Variants in NAXD observed in about 807,000 individuals in gnomAD.
NAXD encodes ATP-dependent (S)-NAD(P)H-hydrate dehydratase.
In NAXD, 22 loss-of-function variants were observed where a neutral mutation model predicts 35.8. That is an observed-to-expected ratio of 0.62 (90% CI 0.44 to 0.88). The LOEUF is 0.88. NAXD is among the 40% of genes least tolerant of loss of function. The pLI is 0.00. For missense variants in NAXD, 428 were observed against 437.7 expected (o/e 0.98, Z 0.20); for synonymous variants, 189 against 177.6 (o/e 1.06, Z -0.51).
intron 4 of NAXD, 81 bp downstream of exon 4, chr13:110,625,359 G>A (rs1290785494): frequency 1.8e-5 from 16 of 908,514 alleles, no homozygotes; most frequent in Non-Finnish European, 2.5e-5. Flanking sequence ...CACCGAAAGC[G>A]TCCTGATGGA....
intron 5 of NAXD, 96 bp downstream of exon 5, chr13:110,627,643 C>A: frequency 1.2e-6 from 1 of 808,060 alleles, no homozygotes; most frequent in Non-Finnish European, 2.1e-6. Context: ...TGTAGTGTTC[C>A]GTGTGCCTCT....
At chr13:110,619,524 A>G (rs1341226935) in intron 1 of NAXD, among the ~76,000 whole-genome samples, 1 of 152,198 alleles carries the variant, frequency 6.6e-6, no homozygotes, top group East Asian at 1.9e-4. Flanking sequence ...ATAAGTCACA[A>G]TTTATATTTT....
chr13:110,637,702 G>A, intron 9 of NAXD: 1 of 455,334 alleles, frequency 2.2e-6, no homozygotes, highest in South Asian at 1.6e-5. Context: ...AGAACTTTAT[G>A]AATGCAAGCA....
At position 110,615,828 on chromosome 13, in the gene NAXD, G is replaced by C. The variant is rs529607773; in HGVS notation, c.46+181G>C. 2.3e-6 allele frequency: 3 copies of C among 1,278,550 alleles called. No homozygotes were observed. In the South Asian group the frequency reaches 7.2e-5, roughly 31 times the overall value. 79.2% of individuals were successfully genotyped at this position (1,278,550 alleles called of 1,614,324 possible). A position where few individuals can be genotyped will look rare whatever the true frequency, so the allele number is the denominator to read the frequency against. ...CTCGCGGGGGGGAAGCGCCGCCGAG[G>C]GGCAGCCCGCGCGCGGGGCCGGGGC... On this transcript the variant is annotated intron_variant, in intron 1 of 9. Transcript: ENST00000680254.
chr13:110,624,326 T>C, intron 3 of NAXD, 47 bp downstream of exon 3: 1 of 1,164,628 alleles, frequency 8.6e-7, no homozygotes, highest in Non-Finnish European at 1.3e-6. Context: ...TGGTAGAGAG[T>C]TTGATTATTT....
At chr13:110,620,310 G>T (rs148905399) in intron 1 of NAXD, among the ~76,000 whole-genome samples, 2 of 151,778 alleles carry the variant, frequency 1.3e-5, no homozygotes, top group Non-Finnish European at 2.9e-5. Flanking sequence ...GGCTGAGCGC[G>T]GTGGCTCACA....
rs1001103326 is a variant in NAXD, at chr13:110,638,157, A to G, written c.840-221A>G. ...TAGCCCTGGACCTGTCTCCGAGTAC[A>G]TAGACGTTTCCTGTGTGCCTCCTGC... On this transcript the variant is annotated intron_variant, in intron 9 of 9. Transcript: ENST00000680254. This position sits in a 1 kb window ranked among gnomAD's most constrained non-coding sequence, Gnocchi z 5.4. 10 of 1,351,084 alleles carry G rather than the reference A, an allele frequency of 7.4e-6. No individual in the cohort carries two copies. The Admixed American group carries it at 1.4e-4, about 18-fold the overall frequency. 83.7% of individuals were successfully genotyped at this position (1,351,084 alleles called of 1,614,324 possible).
intron 9 of NAXD, 131 bp downstream of exon 9, chr13:110,637,380 C>T (rs1468789066): frequency 1.5e-5 from 17 of 1,098,728 alleles, no homozygotes; most frequent in South Asian, 9.4e-5. Flanking sequence ...GGAGAGATCT[C>T]GGCACAGACG....
At chr13:110,635,913 C>G (rs993516115) in intron 8 of NAXD, among the ~76,000 whole-genome samples, 1 of 152,246 alleles carries the variant, frequency 6.6e-6, no homozygotes, top group Non-Finnish European at 1.5e-5. Context: ...GGTCCCGCGT[C>G]TCCAGCTGCC....
At chr13:110,635,394 ATG>A in intron 7 of NAXD, 72 bp from the exon 8 acceptor site, 1 of 1,542,746 alleles carries the variant, frequency 6.5e-7, no homozygotes, top group South Asian at 1.2e-5. Context: ...CTCATGGCGG[ATG>A]GGACAGGGCT....
chr13:110,631,413 G>A (rs1274074825), intron 5 of NAXD, among the ~76,000 whole-genome samples: 1 of 152,164 alleles, frequency 6.6e-6, no homozygotes, highest in Non-Finnish European at 1.5e-5. Context: ...TCAGAGTAAG[G>A]ACGTTTAAAT....
Position 110,627,499 on chromosome 13 carries a change from C to G in NAXD, c.393C>G (p.Val131=), listed in dbSNP as rs757530909. 2 of 1,614,078 alleles carry G rather than the reference C, an allele frequency of 1.2e-6. No individual in the cohort carries two copies. The highest frequency in any genetic ancestry group is 3.3e-5 in the Admixed American group (2 of 60,016). Residue 131 remains valine (V), a synonymous_variant, in exon 5 of 10, where the codon GTC becomes GTG. Transcript: ENST00000680254. Reference sequence around the variant, plus strand: ...GGCTGCCCCGGCTGCATGCTCTTGTCGTAGGACCTGGCTTGGGTAGAGATG... The same window carrying G: ...GGCTGCCCCGGCTGCATGCTCTTGTGGTAGGACCTGGCTTGGGTAGAGATG... ...EKWLPRLHAL[V]VGPGLGRDDA...
intron 5 of NAXD, among the ~76,000 whole-genome samples, chr13:110,633,219 G>A (rs573609545): frequency 6.6e-6 from 1 of 152,164 alleles, no homozygotes; most frequent in African/African-American, 2.4e-5. Flanking sequence ...GCACAGTGCC[G>A]GTGGGCTGGC....
At chr13:110,622,955 CCATAGGG>C (rs1886323091) in intron 2 of NAXD, among the ~76,000 whole-genome samples, 1 of 151,998 alleles carries the variant, frequency 6.6e-6, no homozygotes. Context: ...GTTGATCGTG[CCATAGGG>C]TGTGTTAGAG....
At position 110,628,746 on chromosome 13, in the gene NAXD, G is replaced by GA. The variant is rs1205083576; in HGVS notation, c.441+1200dup. ...AGTAGAACCCTCTGTCATCCCCGGG[G>GA]AGAGGCTCTCAATGGGGAGTCCCAT... On this transcript the variant is annotated intron_variant, in intron 5 of 9. Coordinates refer to ENST00000680254, the MANE Select transcript of NAXD (RefSeq NM_001242882.2). The surrounding 1 kb of genome is among the most constrained non-coding windows in gnomAD (Gnocchi z 4.1). 2.0e-5 allele frequency among the ~76,000 whole-genome samples: 3 copies of GA among 152,020 alleles called. No individual in the cohort carries two copies. Among genetic ancestry groups the GA allele is most frequent in the African/African-American group, 7.3e-5 (3 of 41,378 alleles).
intron 2 of NAXD, among the ~76,000 whole-genome samples, chr13:110,622,599 G>T (rs1185791983): frequency 6.6e-6 from 1 of 152,140 alleles, no homozygotes; most frequent in Non-Finnish European, 1.5e-5. Context: ...TGTCGTAGTG[G>T]GGAAATGAGC....
At chr13:110,632,624 A>T (rs1009741879) in intron 5 of NAXD, among the ~76,000 whole-genome samples, 22 of 152,234 alleles carry the variant, frequency 1.4e-4, no homozygotes, top group Admixed American at 1.3e-3. Flanking sequence ...GCCCCACCAG[A>T]GCATCTAGAT....
intron 7 of NAXD, among the ~76,000 whole-genome samples, chr13:110,635,191 C>T (rs1037394555): frequency 7.9e-5 from 12 of 152,188 alleles, no homozygotes; most frequent in Non-Finnish European, 1.5e-4. Context: ...ATTACTCCTG[C>T]AAAGCTCTCA....
intron 1 of NAXD, among the ~76,000 whole-genome samples, chr13:110,619,289 T>A (rs1886173940): frequency 1.3e-5 from 2 of 152,208 alleles, no homozygotes; most frequent in South Asian, 4.1e-4. Context: ...GATACAGATG[T>A]TTGTAAGATA....
Sources: gnomAD v4.1 joint callset for allele counts (sites outside exome capture counted in the v4.1 genomes callset) on GRCh38, gnomAD v4.1.1 for gene constraint, Gnocchi (gnomAD v3.1) non-coding constraint, MANE v1.5 for transcripts, NCBI Gene and HGNC (gene_info 2026-07-23, HGNC 2026-07-21) for gene names.